Variants in RIN2 observed in about 807,000 individuals in gnomAD.
RIN2 encodes RAB5 interacting protein 2.
In RIN2, 36 loss-of-function variants were observed where a neutral mutation model predicts 78.0. The ratio of observed to expected loss-of-function variants is 0.46; its 90% CI spans 0.35 to 0.61. The LOEUF (loss-of-function observed/expected upper bound fraction) is 0.61, where lower values mean the gene tolerates loss of function less well. Among genes scored for constraint, RIN2 ranks in the 20% least tolerant of loss-of-function variants. The pLI is 0.00. For synonymous variants in RIN2, 466 were observed against 466.8 expected (o/e 1.00, Z 0.02); for missense variants, 1,087 against 1,159.7 (o/e 0.94, Z 0.91).
intron 7 of RIN2, among the ~76,000 whole-genome samples, chr20:19,970,462 T>G (rs765829873): frequency 1.4e-4 from 22 of 152,242 alleles, no homozygotes; most frequent in Non-Finnish European, 4.4e-5. Context: ...CCAGGCAGTT[T>G]CGGCCCAACA....
intron 2 of RIN2, among the ~76,000 whole-genome samples, chr20:19,852,860 G>A (rs1002025140): frequency 2.6e-5 from 4 of 151,922 alleles, no homozygotes; most frequent in Admixed American, 2.6e-4. Flanking sequence ...CTCTTAAATA[G>A]CAATGGATAT....
At chr20:19,868,075 G>A (rs1230291679) in intron 2 of RIN2, among the ~76,000 whole-genome samples, 1 of 152,236 alleles carries the variant, frequency 6.6e-6, no homozygotes, top group African/African-American at 2.4e-5. Context: ...CTGACACCAA[G>A]CCAGGCCCCA....
rs1555788669 is a variant in RIN2 at position 19,908,502 on chromosome 20, A to AAG, written c.57+18845_57+18846insGA. Among the ~76,000 whole-genome samples the AAG allele has an allele frequency of 1.9e-4, 28 of 151,274 alleles. No homozygotes were observed. In the South Asian group the frequency reaches 3.3e-3, roughly 18 times the overall value. On this transcript the variant is annotated intron_variant, in intron 3 of 12. Transcript: ENST00000255006. The stretch of plus-strand genomic sequence containing the variant: ...CGAGACTCCGTCTCAAAAAAAAAAA[A>AAG]AAAGAAAGAAAGAAAGAGTTTGGAC...
At chr20:19,817,328 C>G (rs1600525962) in intron 2 of RIN2, among the ~76,000 whole-genome samples, 1 of 152,208 alleles carries the variant, frequency 6.6e-6, no homozygotes, top group Non-Finnish European at 1.5e-5. Context: ...CCCTTTCCTT[C>G]AAAGATGAAG....
intron 3 of RIN2, among the ~76,000 whole-genome samples, chr20:19,910,694 A>G (rs1207874375): frequency 1.3e-5 from 2 of 149,886 alleles, no homozygotes; most frequent in Non-Finnish European, 3.0e-5. Flanking sequence ...ATAGCCTCCC[A>G]CAGAGCTGGG....
intron 8 of RIN2, among the ~76,000 whole-genome samples, chr20:19,973,768 G>C (rs1012599560): frequency 2.6e-5 from 4 of 151,698 alleles, no homozygotes; most frequent in Non-Finnish European, 5.9e-5. Flanking sequence ...CAGCCTGGGC[G>C]ACAGAGCAAG....
intron 1 of RIN2, among the ~76,000 whole-genome samples, chr20:19,776,467 C>T (rs190338771): frequency 6.6e-5 from 10 of 152,238 alleles, no homozygotes; most frequent in Admixed American, 3.9e-4. Flanking sequence ...CACTGTAGTT[C>T]ACGCCTGTAA....
At chr20:19,823,388 C>T (rs77028698) in intron 2 of RIN2, 28,112 of 345,884 alleles carry the variant, frequency 0.081, 56 homozygotes, top group Middle Eastern at 0.12. Context: ...GCTCTGCCTG[C>T]TTTTTTTTTT....
intron 1 of RIN2, among the ~76,000 whole-genome samples, chr20:19,785,874 G>A (rs995011114): frequency 6.6e-6 from 1 of 152,176 alleles, no homozygotes; most frequent in Non-Finnish European, 1.5e-5. Flanking sequence ...ACTTTAAAAA[G>A]TAATTTTCAT....
chr20:19,960,075 T>G (rs910622024), intron 5 of RIN2, among the ~76,000 whole-genome samples: 1 of 152,208 alleles, frequency 6.6e-6, no homozygotes, highest in East Asian at 1.9e-4. Flanking sequence ...TCAGAGTGCA[T>G]CCACCCACCA....
chr20:19,982,887 G>C lies in RIN2; in HGVS notation c.1762+7100G>C, dbSNP rs1400559782. Among the ~76,000 whole-genome samples the C allele has an allele frequency of 5.3e-5, 8 of 152,318 alleles. No individual in the cohort carries two copies. In the Middle Eastern group the frequency reaches 0.01, roughly 194 times the overall value. Reference sequence around the variant, plus strand: ...TCTTCTCCAGGGGGAGCAACTGTAAGGCATGTTCAACGCCACCTCTTGGAG... The same window carrying C: ...TCTTCTCCAGGGGGAGCAACTGTAACGCATGTTCAACGCCACCTCTTGGAG... On this transcript the variant is annotated intron_variant, in intron 9 of 12. Coordinates refer to ENST00000255006, the MANE Select transcript of RIN2 (RefSeq NM_018993.4).
chr20:19,799,980 C>T (rs139546825), intron 2 of RIN2, among the ~76,000 whole-genome samples: 94 of 152,266 alleles, frequency 6.2e-4, no homozygotes, highest in African/African-American at 2.1e-3. Context: ...TAGGAGCCCA[C>T]GAGCATAAAG....
At chr20:19,992,447 C>T (rs2042824732) in intron 11 of RIN2, 148 bp downstream of exon 11, 1 of 784,314 alleles carries the variant, frequency 1.3e-6, no homozygotes, top group African/African-American at 1.8e-5. Flanking sequence ...CATGCATTCT[C>T]CACCTTTATT....
chr20:19,992,923 T>A (rs1001722398), intron 11 of RIN2, among the ~76,000 whole-genome samples: 13 of 152,316 alleles, frequency 8.5e-5, no homozygotes, highest in African/African-American at 2.6e-4. Context: ...CAGTTTTTTT[T>A]AAGTATCTTT....
chr20:19,768,418 C>G (rs929278246), intron 1 of RIN2, among the ~76,000 whole-genome samples: 1 of 152,236 alleles, frequency 6.6e-6, no homozygotes, highest in Non-Finnish European at 1.5e-5. Flanking sequence ...CGCTCTACCC[C>G]TGCATCAGTC....
chr20:19,948,091 A>G (rs1329030617), intron 4 of RIN2, among the ~76,000 whole-genome samples: 10 of 152,216 alleles, frequency 6.6e-5, no homozygotes, highest in Non-Finnish European at 2.9e-5. Flanking sequence ...GTAGAAGCAA[A>G]CAGGGTACCT....
At position 19,792,939 on chromosome 20, in the gene RIN2, CTGTGTGTGTGTGTG is replaced by C. The variant is rs36049213; in HGVS notation, c.-162-6665_-162-6652del. Among the ~76,000 whole-genome samples, 12 of 147,242 alleles carry C rather than the reference CTGTGTGTGTGTGTG, an allele frequency of 8.1e-5. No homozygotes were observed. The East Asian group carries it at 1.2e-3, about 15-fold the overall frequency. On this transcript the variant is annotated intron_variant, in intron 1 of 12. Coordinates refer to ENST00000255006, the MANE Select transcript of RIN2 (RefSeq NM_018993.4). ...CAAGGTATTTTAGGCTAAGCAGCCA[CTGTGTGTGTGTGTG>C]TGTGTGTGTGTGTGTGTCTGGTGTG... is the stretch of plus-strand genomic sequence containing the variant.
At chr20:19,831,097 G>C (rs1251674308) in intron 2 of RIN2, among the ~76,000 whole-genome samples, 1 of 152,116 alleles carries the variant, frequency 6.6e-6, no homozygotes, top group Non-Finnish European at 1.5e-5. Context: ...GCCTCTTCTA[G>C]AAGTACACAG....
At chr20:19,911,029 CAT>C (rs1415809670) in intron 3 of RIN2, among the ~76,000 whole-genome samples, 4 of 151,822 alleles carry the variant, frequency 2.6e-5, no homozygotes, top group Non-Finnish European at 5.9e-5. Context: ...CATACACACA[CAT>C]ATGCAGAATT....
Sources: gnomAD v4.1 joint callset for allele counts (sites outside exome capture counted in the v4.1 genomes callset) on GRCh38, gnomAD v4.1.1 for gene constraint, MANE v1.5 for transcripts, NCBI Gene and HGNC (gene_info 2026-07-23, HGNC 2026-07-21) for gene names.